PSMF1: variants seen among roughly 807,000 people sequenced by gnomAD.
PSMF1 encodes proteasome inhibitor PI31 subunit.
A neutral mutation model predicts 29.3 loss-of-function variants in PSMF1; 30 were observed. The observed-to-expected ratio is 1.02, with a 90% confidence interval of 0.77 to 1.39. PSMF1 has a LOEUF of 1.39. PSMF1 is among the 40% of genes most tolerant of loss of function. The pLI is 0.00. For missense variants in PSMF1, 344 were observed against 357.5 expected (o/e 0.96, Z 0.31); for synonymous variants, 134 against 139.7 (o/e 0.96, Z 0.29).
chr20:1,129,100 C>T (rs1052320593), intron 3 of PSMF1, among the ~76,000 whole-genome samples: 2 of 151,712 alleles, frequency 1.3e-5, no homozygotes, highest in Admixed American at 6.6e-5. Context: ...AGGATGGTCT[C>T]GATCTCCTGA....
At chr20:1,137,265 C>G (rs2086318805) in intron 4 of PSMF1, among the ~76,000 whole-genome samples, 1 of 152,164 alleles carries the variant, frequency 6.6e-6, no homozygotes, top group African/African-American at 2.4e-5. Flanking sequence ...ATGAGAAAAT[C>G]ACCATGTTGC....
chr20:1,123,425 T>C (rs959070817), intron 1 of PSMF1, among the ~76,000 whole-genome samples: 2 of 152,212 alleles, frequency 1.3e-5, no homozygotes, highest in African/African-American at 2.4e-5. Flanking sequence ...GCAATATAAA[T>C]ATACATCCAT....
intron 1 of PSMF1, among the ~76,000 whole-genome samples, chr20:1,119,826 A>T (rs796652299): frequency 3.4e-4 from 51 of 152,082 alleles, no homozygotes; most frequent in African/African-American, 1.2e-3. Flanking sequence ...CCTGCCCCTC[A>T]CTGTCACTGT....
At chr20:1,120,183 C>T (rs1386335506) in intron 1 of PSMF1, among the ~76,000 whole-genome samples, 1 of 152,076 alleles carries the variant, frequency 6.6e-6, no homozygotes, top group Non-Finnish European at 1.5e-5. Context: ...AACACAAGAA[C>T]CGTCAGGGAT....
At chr20:1,134,955 C>A (rs1336317827) in intron 3 of PSMF1, 166 bp from the exon 4 acceptor site, 5 of 728,696 alleles carry the variant, frequency 6.9e-6, no homozygotes, top group Admixed American at 6.0e-5. Context: ...GCTGTTGCCC[C>A]CCTCACCCAG....
At chr20:1,119,521 A>C (rs1171018160) in intron 1 of PSMF1, among the ~76,000 whole-genome samples, 1 of 151,856 alleles carries the variant, frequency 6.6e-6, no homozygotes, top group Admixed American at 6.6e-5. Flanking sequence ...GGAAGCAATC[A>C]CCCCCAGAGT....
intron 3 of PSMF1, among the ~76,000 whole-genome samples, chr20:1,130,056 TTAAA>T (rs1254136177): frequency 6.6e-6 from 1 of 152,158 alleles, no homozygotes. Flanking sequence ...TTATACTAAA[TTAAA>T]TAAGCCATTC....
In PSMF1 at chr20:1,165,077, G is replaced by A; in HGVS notation, c.813G>A (p.Leu271=). 3 of 1,614,134 alleles carry A rather than the reference G, an allele frequency of 1.9e-6. No individual in the cohort carries two copies. Among genetic ancestry groups the A allele is most frequent in the Non-Finnish European group, 2.5e-6 (3 of 1,180,024 alleles). ...LPPPGYDDMY[L] is the part of the protein sequence containing the mutation. ...CGCCGGGCTACGATGACATGTACCTGTGAAGGCCTCAAGAATGTAACATCC... is the reference window on the plus strand; with the variant it reads ...CGCCGGGCTACGATGACATGTACCTATGAAGGCCTCAAGAATGTAACATCC... Residue 271 remains leucine (L), a synonymous_variant, in exon 7 of 7, where the codon CTG becomes CTA. Coordinates refer to ENST00000335877, the MANE Select transcript of PSMF1 (RefSeq NM_006814.5).
intron 3 of PSMF1, among the ~76,000 whole-genome samples, chr20:1,134,076 T>C (rs1399565852): frequency 1.4e-5 from 2 of 146,756 alleles, no homozygotes; most frequent in East Asian, 2.0e-4. Context: ...ATTTTCTCTC[T>C]TGTTTTTCTT....
Position 1,161,425 on chromosome 20 carries a change from G to A in PSMF1, c.552-1705G>A, listed in dbSNP as rs1600174636. The A allele has an allele frequency of 6.9e-6, 3 of 432,788 alleles. No homozygotes were observed. The East Asian group carries it at 1.4e-4, about 21-fold the overall frequency. The allele number at this position is 432,788 out of a possible 1,614,324, so 26.8% of individuals were successfully genotyped here. ...ACCACCTTCAGCTCTATCATAAGGTGTGATGTGGGCATCCACAAGGACCTG... is the reference window on the plus strand; with the variant it reads ...ACCACCTTCAGCTCTATCATAAGGTATGATGTGGGCATCCACAAGGACCTG... On this transcript the variant is annotated intron_variant, in intron 4 of 6. Transcript: ENST00000335877.
At chr20:1,139,049 G>T (rs8117499) in intron 4 of PSMF1, among the ~76,000 whole-genome samples, 16,267 of 151,874 alleles carry the variant, frequency 0.11, 924 homozygotes, top group African/African-American at 0.13. Flanking sequence ...GGTTGTGCAT[G>T]CCTGTAATCC....
intron 4 of PSMF1, among the ~76,000 whole-genome samples, chr20:1,148,360 C>T (rs2086483053): frequency 6.6e-6 from 1 of 152,206 alleles, no homozygotes; most frequent in Non-Finnish European, 1.5e-5. Flanking sequence ...CATTATAAGT[C>T]TAACCTATTT....
chr20:1,131,366 T>G (rs1418576598), intron 3 of PSMF1, among the ~76,000 whole-genome samples: 2 of 152,206 alleles, frequency 1.3e-5, no homozygotes, highest in African/African-American at 2.4e-5. Flanking sequence ...GTGTTGTGTT[T>G]TGTTTTGTTT....
Position 1,165,459 on chromosome 20 carries a change from G to C in PSMF1, c.*379G>C. ...TTATTAAGAACCAAATGTCAATACA[G>C]AATTCATGTTGCCGGTTTCCCACTT... On this transcript the variant is annotated 3_prime_UTR_variant, in exon 7 of 7. Transcript: ENST00000335877. 9.5e-7 allele frequency: 1 copy of C among 1,049,798 alleles called. No homozygotes were observed. Among genetic ancestry groups the C allele is most frequent in the South Asian group, 4.1e-5 (1 of 24,536 alleles). 65.0% of individuals were successfully genotyped at this position (1,049,798 alleles called of 1,614,324 possible).
At chr20:1,156,177 G>A (rs1484431231) in intron 4 of PSMF1, among the ~76,000 whole-genome samples, 3 of 152,192 alleles carry the variant, frequency 2.0e-5, no homozygotes, top group Admixed American at 6.5e-5. Flanking sequence ...TGACTAAGGA[G>A]TCAGTGAACT....
chr20:1,152,758 G>A (rs2086547387), intron 4 of PSMF1, among the ~76,000 whole-genome samples: 1 of 152,144 alleles, frequency 6.6e-6, no homozygotes, highest in Admixed American at 6.5e-5. Context: ...GTGGCTCTGG[G>A]GTATATTTGG....
intron 4 of PSMF1, among the ~76,000 whole-genome samples, chr20:1,160,043 T>C (rs2086646774): frequency 6.6e-6 from 1 of 152,138 alleles, no homozygotes; most frequent in African/African-American, 2.4e-5. Flanking sequence ...TCTTTCAAAA[T>C]ACTAAATATT....
rs1173612890 is a variant in PSMF1, at chr20:1,168,735, C to T, written c.*3655C>T. ...CCTCCCTTTCTACTGTTGTTAATAACATTCTATTAATGATCCATGCCTCTC... is the reference window on the plus strand; with the variant it reads ...CCTCCCTTTCTACTGTTGTTAATAATATTCTATTAATGATCCATGCCTCTC... On this transcript the variant is annotated 3_prime_UTR_variant, in exon 7 of 7. Transcript: ENST00000335877. 1.3e-5 allele frequency among the ~76,000 whole-genome samples: 2 copies of T among 152,188 alleles called. No homozygotes were observed. The highest frequency in any genetic ancestry group is 2.9e-5 in the Non-Finnish European group (2 of 68,036).
Position 1,164,290 on chromosome 20 carries a change from G to A in PSMF1, c.606-28G>A. 6.2e-7 allele frequency: 1 copy of A among 1,600,104 alleles called. No individual in the cohort carries two copies. Among genetic ancestry groups the A allele is most frequent in the Non-Finnish European group, 8.6e-7 (1 of 1,167,324 alleles). Reference sequence around the variant, plus strand: ...TCCAAGGGCAGTCCTTGCCACACCTGCTTACCTAACTTTTCTTCTTGCCTC... The same window carrying A: ...TCCAAGGGCAGTCCTTGCCACACCTACTTACCTAACTTTTCTTCTTGCCTC... On this transcript the variant is annotated intron_variant, in intron 5 of 6. Coordinates refer to ENST00000335877, the MANE Select transcript of PSMF1 (RefSeq NM_006814.5). The surrounding 1 kb of genome is among the most constrained non-coding windows in gnomAD (Gnocchi z 4.1).
Sources: allele counts gnomAD v4.1 joint callset (sites outside exome capture counted in the v4.1 genomes callset), GRCh38; gene constraint gnomAD v4.1.1; non-coding constraint Gnocchi (gnomAD v3.1); transcripts MANE v1.5; gene names NCBI Gene and HGNC (gene_info 2026-07-23, HGNC 2026-07-21).